CAMK4: variants seen among roughly 807,000 people sequenced by gnomAD.
CAMK4 encodes calcium/calmodulin-dependent protein kinase type IV.
In CAMK4, 22 loss-of-function variants were observed where a neutral mutation model predicts 44.9. The ratio of observed to expected loss-of-function variants is 0.49; its 90% CI spans 0.35 to 0.70. The LOEUF is 0.70. Among genes scored for constraint, CAMK4 ranks in the 30% least tolerant of loss-of-function variants. CAMK4 has a pLI of 0.01. For missense variants in CAMK4, 498 were observed against 586.8 expected, an observed-to-expected ratio of 0.85 and a Z score of 1.56; for synonymous variants, 218 against 215.4, an observed-to-expected ratio of 1.01 and a Z score of -0.11.
At chr5:111,367,909 A>G (rs372392171) in intron 2 of CAMK4, among the ~76,000 whole-genome samples, 2 of 151,926 alleles carry the variant, frequency 1.3e-5, no homozygotes, top group African/African-American at 4.8e-5. Flanking sequence ...GACCTGCTGT[A>G]TGTCTTTATA....
intron 1 of CAMK4, among the ~76,000 whole-genome samples, chr5:111,248,627 G>T (rs2112534918): frequency 6.6e-6 from 1 of 152,104 alleles, no homozygotes; most frequent in Admixed American, 6.5e-5. Flanking sequence ...TCTCAGTGCT[G>T]CTTGGTATAT....
At chr5:111,252,014 G>T (rs1213241314) in intron 1 of CAMK4, among the ~76,000 whole-genome samples, 2 of 152,092 alleles carry the variant, frequency 1.3e-5, no homozygotes, top group Non-Finnish European at 2.9e-5. Context: ...TTTTCTTTAT[G>T]CTTGTGTTAC....
Position 111,489,378 on chromosome 5 carries a change from G to C in CAMK4, c.*4912G>C, listed in dbSNP as rs1230397523. On this transcript the variant is annotated 3_prime_UTR_variant, in exon 11 of 11. Coordinates refer to ENST00000282356, the MANE Select transcript of CAMK4 (RefSeq NM_001744.6). ...AAATTTTGTCATTATTACTCCTTGT[G>C]GCTATTACCTGAGATCAGATAATAT... 1.3e-5 allele frequency: 2 copies of C among 152,072 alleles called. No individual in the cohort carries two copies. The highest frequency in any genetic ancestry group is 4.8e-5 in the African/African-American group (2 of 41,394). The allele number at this position is 152,072 out of a possible 1,614,324, so 9.4% of individuals were successfully genotyped here. A position where few individuals can be genotyped will look rare whatever the true frequency, so the allele number is the denominator to read the frequency against.
intron 4 of CAMK4, among the ~76,000 whole-genome samples, chr5:111,386,354 C>T (rs915017210): frequency 2.0e-5 from 3 of 152,168 alleles, no homozygotes; most frequent in African/African-American, 7.2e-5. Context: ...TCCTTCAGTA[C>T]ACATTCTCAT....
At chr5:111,455,853 A>G (rs759474543) in intron 7 of CAMK4, among the ~76,000 whole-genome samples, 4 of 152,098 alleles carry the variant, frequency 2.6e-5, no homozygotes, top group Non-Finnish European at 5.9e-5. Flanking sequence ...TGTTAGTGAA[A>G]CCCTCTAAAT....
chr5:111,233,203 T>A (rs894464132), intron 1 of CAMK4, among the ~76,000 whole-genome samples: 5 of 152,160 alleles, frequency 3.3e-5, no homozygotes, highest in Admixed American at 6.6e-5. Flanking sequence ...GCATGAGAAT[T>A]TCAGGTTAAA....
At chr5:111,450,681 A>G (rs7722682) in intron 7 of CAMK4, among the ~76,000 whole-genome samples, 9 of 149,728 alleles carry the variant, frequency 6.0e-5, no homozygotes, top group South Asian at 2.1e-4. Context: ...CCAGCGACTC[A>G]GGAGGCTGAG....
At chr5:111,406,224 C>CTCTCTCTCTCTTT (rs55818377) in intron 5 of CAMK4, among the ~76,000 whole-genome samples, 1 of 148,158 alleles carries the variant, frequency 6.7e-6, no homozygotes, top group Non-Finnish European at 1.5e-5. Context: ...CTCTCTCTCT[C>CTCTCTCTCTCTTT]GTTTTTGGTT....
At chr5:111,346,846 A>AAACAAACACAC (rs372511472) in intron 2 of CAMK4, among the ~76,000 whole-genome samples, 2 of 116,838 alleles carry the variant, frequency 1.7e-5, no homozygotes, top group Admixed American at 8.5e-5. Flanking sequence ...AACAAACAAA[A>AAACAAACACAC]ACACTAACAC....
At chr5:111,264,101 G>A (rs997675756) in intron 1 of CAMK4, among the ~76,000 whole-genome samples, 3 of 152,078 alleles carry the variant, frequency 2.0e-5, no homozygotes, top group African/African-American at 7.2e-5. Flanking sequence ...TGAATGACTG[G>A]CTCTCTTTTT....
chr5:111,397,942 T>A (rs17133238), intron 5 of CAMK4, among the ~76,000 whole-genome samples: 1 of 151,910 alleles, frequency 6.6e-6, no homozygotes, highest in South Asian at 2.1e-4. Flanking sequence ...TTCAAAATAA[T>A]TGTTCTGAGT....
chr5:111,325,774 T>C (rs1489190038), intron 1 of CAMK4, among the ~76,000 whole-genome samples: 1 of 152,078 alleles, frequency 6.6e-6, no homozygotes, highest in Non-Finnish European at 1.5e-5. Context: ...TTCTCTATAT[T>C]AGACCTTTGT....
At chr5:111,382,393 T>C (rs2112838288) in intron 4 of CAMK4, among the ~76,000 whole-genome samples, 1 of 152,296 alleles carries the variant, frequency 6.6e-6, no homozygotes, top group East Asian at 1.9e-4. Context: ...TCTGGAGTTG[T>C]AGTATGGTTG....
chr5:111,353,568 C>G (rs1205470644), intron 2 of CAMK4, among the ~76,000 whole-genome samples: 2 of 152,134 alleles, frequency 1.3e-5, no homozygotes, highest in East Asian at 1.9e-4. Flanking sequence ...AAAATTGTCT[C>G]TGTAGATTAT....
rs1349499879 is a variant in CAMK4, at chr5:111,485,116, G to T, written c.*650G>T. ...ACACTATATTAATAATAACCAAAAT[G>T]TTCTAAGATTCTGCCATTTTACAAC... On this transcript the variant is annotated 3_prime_UTR_variant, in exon 11 of 11. Transcript: ENST00000282356. The T allele has an allele frequency of 6.6e-6, 1 of 152,072 alleles. No individual in the cohort carries two copies. The highest frequency in any genetic ancestry group is 1.5e-5 in the Non-Finnish European group (1 of 68,014). The allele number at this position is 152,072 out of a possible 1,614,324, so 9.4% of individuals were successfully genotyped here.
At chr5:111,235,278 A>T (rs1458502932) in intron 1 of CAMK4, among the ~76,000 whole-genome samples, 2 of 152,128 alleles carry the variant, frequency 1.3e-5, no homozygotes, top group Non-Finnish European at 2.9e-5. Flanking sequence ...CTGCTTATTC[A>T]TTCAAATAAG....
chr5:111,293,486 G>T (rs1483894426), intron 1 of CAMK4, among the ~76,000 whole-genome samples: 1 of 151,760 alleles, frequency 6.6e-6, no homozygotes, highest in Non-Finnish European at 1.5e-5. Context: ...GAGTGCAATG[G>T]CGTGATCTCA....
At chr5:111,270,756 A>G (rs1447559551) in intron 1 of CAMK4, among the ~76,000 whole-genome samples, 1 of 152,222 alleles carries the variant, frequency 6.6e-6, no homozygotes, top group Admixed American at 6.5e-5. Context: ...CAATATCTTT[A>G]CCATGTATTT....
intron 5 of CAMK4, among the ~76,000 whole-genome samples, chr5:111,435,972 A>G (rs1377923778): frequency 6.6e-6 from 1 of 152,156 alleles, no homozygotes; most frequent in African/African-American, 2.4e-5. Flanking sequence ...AAATTGTTCC[A>G]GTTTTCTTTA....
Sources: allele counts gnomAD v4.1 joint callset (sites outside exome capture counted in the v4.1 genomes callset), GRCh38; gene constraint gnomAD v4.1.1; transcripts MANE v1.5; gene names NCBI Gene and HGNC (gene_info 2026-07-23, HGNC 2026-07-21).